ANK1: variants seen among roughly 807,000 people sequenced by gnomAD.
ANK1 encodes the protein ankyrin 1.
A neutral mutation model predicts 210.4 loss-of-function variants in ANK1; 51 were observed. That is an observed-to-expected ratio of 0.24 (90% CI 0.19 to 0.31). The LOEUF (loss-of-function observed/expected upper bound fraction) is 0.31, where lower values mean the gene tolerates loss of function less well. Among genes scored for constraint, ANK1 ranks in the 10% least tolerant of loss-of-function variants. ANK1 has a pLI of 1.00. For missense variants in ANK1, 2,051 were observed against 2,504.4 expected, an observed-to-expected ratio of 0.82 and a Z score of 3.86; for synonymous variants, 967 against 1,025.9, an observed-to-expected ratio of 0.94 and a Z score of 1.10.
intron 1 of ANK1, among the ~76,000 whole-genome samples, chr8:41,833,389 G>T (rs1227748441): frequency 6.6e-6 from 1 of 152,184 alleles, no homozygotes; most frequent in Non-Finnish European, 1.5e-5. Flanking sequence ...GAAGGGGGTG[G>T]TGCCTCCTTT....
chr8:41,746,014 G>T (rs1159613684), intron 2 of ANK1, among the ~76,000 whole-genome samples: 3 of 152,166 alleles, frequency 2.0e-5, no homozygotes, highest in African/African-American at 7.2e-5. Flanking sequence ...ATTTGTAAAG[G>T]AACTGTGAGG....
chr8:41,806,122 C>A (rs867556882), intron 1 of ANK1, among the ~76,000 whole-genome samples: 43 of 152,324 alleles, frequency 2.8e-4, no homozygotes, highest in African/African-American at 1.0e-3. Context: ...TTGAAAGGGT[C>A]TTTGGGGAGC....
intron 8 of ANK1, 22 bp downstream of exon 8, chr8:41,723,513 T>C (rs767813304): frequency 6.2e-7 from 1 of 1,613,536 alleles, no homozygotes; most frequent in South Asian, 1.1e-5. Context: ...CCTGCCTGGC[T>C]ACAGCACCTG....
intron 2 of ANK1, among the ~76,000 whole-genome samples, chr8:41,739,945 G>A (rs1834343318): frequency 6.6e-6 from 1 of 152,056 alleles, no homozygotes; most frequent in South Asian, 2.1e-4. Context: ...AGGCTGGCAG[G>A]AATGGGCATG....
intron 1 of ANK1, among the ~76,000 whole-genome samples, chr8:41,816,558 C>G (rs1803369001): frequency 6.6e-6 from 1 of 152,120 alleles, no homozygotes. Flanking sequence ...CCCACCTCAG[C>G]CTCCCAAGTA....
At chr8:41,790,622 C>T (rs1847473788) in intron 1 of ANK1, among the ~76,000 whole-genome samples, 1 of 151,994 alleles carries the variant, frequency 6.6e-6, no homozygotes, top group Admixed American at 6.5e-5. Context: ...TAATCCTCAA[C>T]TAATCCCACT....
intron 1 of ANK1, among the ~76,000 whole-genome samples, chr8:41,786,776 G>A (rs1040832053): frequency 3.3e-5 from 5 of 152,162 alleles, no homozygotes; most frequent in African/African-American, 1.2e-4. Flanking sequence ...AAACTATCTC[G>A]ATGGAGCCTG....
At chr8:41,894,351 G>C (rs562928655) in intron 1 of ANK1, among the ~76,000 whole-genome samples, 3 of 152,016 alleles carry the variant, frequency 2.0e-5, no homozygotes, top group East Asian at 1.9e-4. Context: ...ACACCATTTG[G>C]GGGGAGGAAT....
chr8:41,727,826 C>T, intron 4 of ANK1, 82 bp downstream of exon 4: 1 of 1,335,036 alleles, frequency 7.5e-7, no homozygotes, highest in East Asian at 2.3e-5. Context: ...AACACGGCTG[C>T]CAATGGACCC....
intron 1 of ANK1, among the ~76,000 whole-genome samples, chr8:41,822,604 A>C (rs367945610): frequency 3.3e-5 from 5 of 152,250 alleles, no homozygotes; most frequent in East Asian, 3.8e-4. Flanking sequence ...GATACACAGA[A>C]GCTCTAATGA....
intron 1 of ANK1, among the ~76,000 whole-genome samples, chr8:41,840,692 C>A (rs1383862702): frequency 3.3e-5 from 5 of 152,218 alleles, no homozygotes; most frequent in Admixed American, 2.6e-4. Context: ...GGCTCAATTA[C>A]CTCCCAAAGG....
chr8:41,726,750 T>G lies in ANK1; in HGVS notation c.426+500A>C, dbSNP rs1830797752. On this transcript the variant is annotated intron_variant, in intron 5 of 42. Transcript: ENST00000289734. ...CTAAAGGGCACAGGACCGCAGGAACTGATAAAACGGAATGACAACAAAGTC... is the reference window on the plus strand; with the variant it reads ...CTAAAGGGCACAGGACCGCAGGAACGGATAAAACGGAATGACAACAAAGTC... Among the ~76,000 whole-genome samples the G allele has an allele frequency of 2.0e-5, 3 of 152,204 alleles. No homozygotes were observed. The South Asian group carries it at 6.2e-4, about 32-fold the overall frequency.
intron 20 of ANK1, among the ~76,000 whole-genome samples, chr8:41,703,422 G>GTATGTATATATATATA (rs1554554965): frequency 3.7e-5 from 2 of 53,762 alleles, no homozygotes; most frequent in African/African-American, 1.4e-4. Flanking sequence ...GTGTGTGTGT[G>GTATGTATATATATATA]TATATATATA....
intron 42 of ANK1, among the ~76,000 whole-genome samples, chr8:41,656,185 GGGCTAGGTGA>G (rs905576081): frequency 3.3e-5 from 5 of 152,260 alleles, no homozygotes; most frequent in Non-Finnish European, 5.9e-5. Context: ...TGCCAAGAAG[GGGCTAGGTGA>G]GGCTAGGTGA....
chr8:41,779,158 G>C (rs1020055258), intron 1 of ANK1, among the ~76,000 whole-genome samples: 2 of 152,096 alleles, frequency 1.3e-5, no homozygotes, highest in Non-Finnish European at 2.9e-5. Context: ...CCATGCAGTG[G>C]GAGACCACTC....
At chr8:41,864,489 C>T (rs1396675986) in intron 1 of ANK1, among the ~76,000 whole-genome samples, 2 of 152,200 alleles carry the variant, frequency 1.3e-5, no homozygotes, top group East Asian at 3.9e-4. Flanking sequence ...GTCCTCCCCA[C>T]TCTCCCTCAT....
At chr8:41,735,475 C>T (rs962983553) in intron 2 of ANK1, among the ~76,000 whole-genome samples, 1 of 152,080 alleles carries the variant, frequency 6.6e-6, no homozygotes, top group African/African-American at 2.4e-5. Flanking sequence ...CAGGGGAGGC[C>T]TCAGAGCCAC....
At chr8:41,813,456 T>C (rs1802803735) in intron 1 of ANK1, among the ~76,000 whole-genome samples, 1 of 152,138 alleles carries the variant, frequency 6.6e-6, no homozygotes, top group African/African-American at 2.4e-5. Flanking sequence ...CAGAATATAA[T>C]AACAGGTACC....
intron 20 of ANK1, among the ~76,000 whole-genome samples, chr8:41,703,142 T>G (rs1453970245): frequency 1.3e-5 from 2 of 152,084 alleles, no homozygotes; most frequent in East Asian, 3.9e-4. Context: ...AGGGTCCACA[T>G]TATTTCAGAG....
Sources: allele counts gnomAD v4.1 joint callset (sites outside exome capture counted in the v4.1 genomes callset), GRCh38; gene constraint gnomAD v4.1.1; transcripts MANE v1.5; gene names NCBI Gene and HGNC (gene_info 2026-07-23, HGNC 2026-07-21).